Variants in DPYD observed in about 807,000 individuals in gnomAD.
DPYD encodes dihydropyrimidine dehydrogenase.
DPYD carries 109 observed loss-of-function variants against 116.2 expected under a neutral mutation model. The observed-to-expected ratio is 0.94, with a 90% confidence interval of 0.80 to 1.10. The LOEUF (loss-of-function observed/expected upper bound fraction) is 1.10, where lower values mean the gene tolerates loss of function less well. DPYD is among the 50% of genes least tolerant of loss of function. The probability of loss-of-function intolerance (pLI) is 0.00; values close to 1 mark genes in which losing one functional copy is unlikely to be tolerated. For synonymous variants in DPYD, 440 were observed against 432.0 expected (o/e 1.02, Z -0.23); for missense variants, 1,302 against 1,254.5 (o/e 1.04, Z -0.57).
chr1:97,100,712 GA>G (rs1365406911), intron 20 of DPYD, among the ~76,000 whole-genome samples: 4 of 151,818 alleles, frequency 2.6e-5, no homozygotes, highest in African/African-American at 9.7e-5. Flanking sequence ...TTTTCATTTA[GA>G]TTATTATTTA....
intron 8 of DPYD, among the ~76,000 whole-genome samples, chr1:97,641,484 C>T (rs907789755): frequency 1.3e-5 from 2 of 152,108 alleles, no homozygotes; most frequent in South Asian, 2.1e-4. Context: ...ATAAACAGAA[C>T]CAATGACAAA....
At chr1:97,786,709 G>C (rs1244800125) in intron 3 of DPYD, among the ~76,000 whole-genome samples, 1 of 152,140 alleles carries the variant, frequency 6.6e-6, no homozygotes, top group African/African-American at 2.4e-5. Flanking sequence ...GATTTCTGAA[G>C]GCCAATATTA....
intron 18 of DPYD, among the ~76,000 whole-genome samples, chr1:97,297,669 A>G (rs1471403108): frequency 6.6e-6 from 1 of 152,192 alleles, no homozygotes; most frequent in Non-Finnish European, 1.5e-5. Context: ...AAGAGAGAAG[A>G]GCAGTAAGCT....
At chr1:97,826,510 T>G (rs1318438558) in intron 3 of DPYD, among the ~76,000 whole-genome samples, 1 of 152,092 alleles carries the variant, frequency 6.6e-6, no homozygotes, top group Non-Finnish European at 1.5e-5. Flanking sequence ...TACTTCAAAA[T>G]AAATAGATAT....
intron 3 of DPYD, among the ~76,000 whole-genome samples, chr1:97,741,731 A>G (rs1664281203): frequency 6.6e-6 from 1 of 152,170 alleles, no homozygotes; most frequent in Non-Finnish European, 1.5e-5. Flanking sequence ...ATCATAGAAC[A>G]TGCAGTTTGA....
chr1:97,286,462 G>GGCCTT (rs1385179125), intron 18 of DPYD, among the ~76,000 whole-genome samples: 3 of 151,816 alleles, frequency 2.0e-5, no homozygotes, highest in African/African-American at 7.2e-5. Context: ...TCTGAATGTT[G>GGCCTT]GCCTGCCTTG....
At chr1:97,443,067 C>A (rs114871079) in intron 14 of DPYD, among the ~76,000 whole-genome samples, 19 of 152,090 alleles carry the variant, frequency 1.2e-4, no homozygotes, top group Non-Finnish European at 2.2e-4. Flanking sequence ...TCATAAAAAG[C>A]AAGTCAGAGG....
At chr1:97,489,402 T>A (rs561348215) in intron 13 of DPYD, among the ~76,000 whole-genome samples, 1 of 152,226 alleles carries the variant, frequency 6.6e-6, no homozygotes, top group Non-Finnish European at 1.5e-5. Context: ...GAGGGTTCCA[T>A]CCTTATTATT....
At chr1:97,496,727 GGTT>G (rs1679285759) in intron 13 of DPYD, among the ~76,000 whole-genome samples, 1 of 151,830 alleles carries the variant, frequency 6.6e-6, no homozygotes. Flanking sequence ...GCTCTAGCTT[GGTT>G]TGGTGCTTCC....
chr1:97,731,879 A>G (rs1663633200), intron 4 of DPYD, among the ~76,000 whole-genome samples: 1 of 151,958 alleles, frequency 6.6e-6, no homozygotes, highest in African/African-American at 2.4e-5. Flanking sequence ...TAGTTTTTAT[A>G]TCATTAGTGT....
intron 8 of DPYD, among the ~76,000 whole-genome samples, chr1:97,643,450 G>A (rs143010799): frequency 6.6e-6 from 1 of 152,138 alleles, no homozygotes; most frequent in Non-Finnish European, 1.5e-5. Flanking sequence ...TTCTGGAGAG[G>A]ATGTGGAGAA....
At chr1:97,468,708 C>A (rs1677466231) in intron 13 of DPYD, among the ~76,000 whole-genome samples, 1 of 152,136 alleles carries the variant, frequency 6.6e-6, no homozygotes. Context: ...GGATTTGACC[C>A]ACGGGGCTAT....
rs140011238 is a variant in DPYD at position 97,371,100 on chromosome 1, T to C, written c.2058+2461A>G. Among the ~76,000 whole-genome samples the C allele has an allele frequency of 2.8e-3, 431 of 152,212 alleles. 3 individuals are homozygous for C. Among genetic ancestry groups the C allele is most frequent in the African/African-American group, 9.9e-3 (410 of 41,528 alleles). ...TATATGTATATATATCAGTGTTACATCTATATAATGTTGATTACACACAGG... is the reference window on the plus strand; with the variant it reads ...TATATGTATATATATCAGTGTTACACCTATATAATGTTGATTACACACAGG... On this transcript the variant is annotated intron_variant, in intron 16 of 22. Coordinates refer to ENST00000370192, the MANE Select transcript of DPYD (RefSeq NM_000110.4).
chr1:97,097,074 C>G (rs1454601991), intron 21 of DPYD, among the ~76,000 whole-genome samples: 1 of 152,160 alleles, frequency 6.6e-6, no homozygotes, highest in Non-Finnish European at 1.5e-5. Flanking sequence ...CCTTCGCATT[C>G]CATTAGTGTT....
At chr1:97,226,167 A>G (rs1661141591) in intron 19 of DPYD, among the ~76,000 whole-genome samples, 1 of 152,144 alleles carries the variant, frequency 6.6e-6, no homozygotes, top group African/African-American at 2.4e-5. Flanking sequence ...ATGCAGAAAA[A>G]TCATCCGACA....
intron 5 of DPYD, chr1:97,720,087 A>C (rs1474196936): frequency 1.0e-6 from 1 of 984,880 alleles, no homozygotes. Flanking sequence ...TCCCAGAGAA[A>C]AGAATTAAAA....
At chr1:97,859,048 A>G (rs1670987598) in intron 2 of DPYD, among the ~76,000 whole-genome samples, 1 of 152,142 alleles carries the variant, frequency 6.6e-6, no homozygotes, top group African/African-American at 2.4e-5. Flanking sequence ...GTAATTTTTG[A>G]TAATTTCCCT....
intron 12 of DPYD, among the ~76,000 whole-genome samples, chr1:97,535,982 T>C (rs1278536413): frequency 1.3e-5 from 2 of 152,178 alleles, no homozygotes; most frequent in African/African-American, 4.8e-5. Context: ...GAAAATTATG[T>C]GGAGAGTACT....
At chr1:97,547,479 T>C (rs2811166) in intron 12 of DPYD, among the ~76,000 whole-genome samples, 3,839 of 152,258 alleles carry the variant, frequency 0.025, 156 homozygotes, top group African/African-American at 0.087. Context: ...CTTTGGGTTT[T>C]CCAGTGTCTG....
Sources: allele counts gnomAD v4.1 joint callset (sites outside exome capture counted in the v4.1 genomes callset), GRCh38; gene constraint gnomAD v4.1.1; transcripts MANE v1.5; gene names NCBI Gene and HGNC (gene_info 2026-07-23, HGNC 2026-07-21).